Variants in MICU1 observed in about 807,000 individuals in gnomAD.
The protein encoded by MICU1 is mitochondrial calcium uptake 1.
A neutral mutation model predicts 56.8 loss-of-function variants in MICU1; 45 were observed. The ratio of observed to expected loss-of-function variants is 0.79; its 90% CI spans 0.62 to 1.02. MICU1 has a LOEUF of 1.02. MICU1 is among the 50% of genes least tolerant of loss of function. MICU1 has a pLI of 0.00. For missense variants in MICU1, 504 were observed against 587.1 expected, an observed-to-expected ratio of 0.86 and a Z score of 1.46; for synonymous variants, 186 against 195.1, an observed-to-expected ratio of 0.95 and a Z score of 0.39.
Position 72,377,025 on chromosome 10 carries a change from T to C in MICU1, c.1181-1153A>G, listed in dbSNP as rs7905364. ...GCACAGTGAGCCCTCCCTGCCCAAC[T>C]CTGTCCCTCCTCCCTACTGGTTTTG... On this transcript the variant is annotated intron_variant, in intron 10 of 11. Transcript: ENST00000361114. Among the ~76,000 whole-genome samples, 801 of 152,244 alleles carry C rather than the reference T, an allele frequency of 5.3e-3. 3 individuals are homozygous for C. Among genetic ancestry groups the C allele is most frequent in the African/African-American group, 0.017 (708 of 41,546 alleles).
chr10:72,537,085 G>C (rs149010545), intron 4 of MICU1, among the ~76,000 whole-genome samples: 1 of 152,264 alleles, frequency 6.6e-6, no homozygotes, highest in Admixed American at 6.5e-5. Flanking sequence ...AGGGGCATGG[G>C]AGGACAACCT....
At chr10:72,609,226 G>A (rs1275970281) in intron 1 of MICU1, among the ~76,000 whole-genome samples, 3 of 152,278 alleles carry the variant, frequency 2.0e-5, no homozygotes, top group African/African-American at 4.8e-5. Context: ...GGGAAAATGG[G>A]AATTTATTGT....
At chr10:72,398,769 A>G (rs184616561) in intron 10 of MICU1, among the ~76,000 whole-genome samples, 1 of 152,338 alleles carries the variant, frequency 6.6e-6, no homozygotes, top group Admixed American at 6.5e-5. Flanking sequence ...GAATAGACCA[A>G]TAACAGGCTC....
chr10:72,590,657 C>A (rs1030151724), intron 1 of MICU1, among the ~76,000 whole-genome samples: 2 of 151,634 alleles, frequency 1.3e-5, no homozygotes, highest in African/African-American at 4.8e-5. Flanking sequence ...ACTAAAAATA[C>A]AAAAAATTAG....
At chr10:72,434,734 G>A (rs764104834) in intron 8 of MICU1, among the ~76,000 whole-genome samples, 15 of 152,218 alleles carry the variant, frequency 9.9e-5, no homozygotes, top group Non-Finnish European at 1.5e-4. Flanking sequence ...TCTCACCTGA[G>A]TGCCAGTTTG....
chr10:72,549,613 T>C (rs1839982201), intron 4 of MICU1, among the ~76,000 whole-genome samples: 1 of 152,198 alleles, frequency 6.6e-6, no homozygotes, highest in South Asian at 2.1e-4. Context: ...CCATTTAGAA[T>C]GTCTTCCTAT....
chr10:72,402,053 A>T (rs1162079958), intron 10 of MICU1, among the ~76,000 whole-genome samples: 1 of 152,136 alleles, frequency 6.6e-6, no homozygotes, highest in East Asian at 1.9e-4. Context: ...GCAGGACAGG[A>T]CCATCTGGCA....
intron 6 of MICU1, among the ~76,000 whole-genome samples, chr10:72,479,523 G>A (rs1228869231): frequency 1.3e-5 from 2 of 152,154 alleles, no homozygotes; most frequent in African/African-American, 2.4e-5. Flanking sequence ...TCTCAGATAG[G>A]TTTGTCATGT....
rs193098860 is a variant in MICU1, at chr10:72,578,477, C to T, written c.-1-11683G>A. Among the ~76,000 whole-genome samples, 373 of 147,646 alleles carry T rather than the reference C, an allele frequency of 2.5e-3. 4 individuals are homozygous for T. The highest frequency in any genetic ancestry group is 8.9e-3 in the African/African-American group (356 of 39,886). On this transcript the variant is annotated intron_variant, in intron 1 of 11. Coordinates refer to ENST00000361114, the MANE Select transcript of MICU1 (RefSeq NM_001195518.2). The stretch of plus-strand genomic sequence containing the variant: ...GTGGGGTTTCACCATGTTGGCCAGG[C>T]GGGCCTCGAATTCCTGACCTCAGTT...
intron 1 of MICU1, among the ~76,000 whole-genome samples, chr10:72,612,295 AT>A (rs1392472174): frequency 1.3e-5 from 2 of 151,836 alleles, no homozygotes; most frequent in African/African-American, 2.4e-5. Context: ...AAAAAAAAAA[AT>A]GACACTTCGT....
At chr10:72,369,519 CAGTT>C (rs1477334264) in intron 11 of MICU1, among the ~76,000 whole-genome samples, 2 of 151,978 alleles carry the variant, frequency 1.3e-5, no homozygotes, top group South Asian at 2.1e-4. Context: ...ATATTGGGGT[CAGTT>C]AGGAGACTGC....
chr10:72,533,784 C>A lies in MICU1; in HGVS notation c.499G>T (p.Gly167Cys). 1 of 1,592,686 alleles carries A rather than the reference C, an allele frequency of 6.3e-7. No individual in the cohort carries two copies. The change falls in exon 5 of 12, where the codon GGT becomes TGT. Residue 167 changes from glycine (G) to cysteine (C), a missense_variant. Coordinates refer to ENST00000361114, the MANE Select transcript of MICU1 (RefSeq NM_001195518.2). ...TPNEKQPEHL[G>C]LDQYIIKRFD... ...CGTTTTATTATATATTGATCCAGAC[C>A]CAAGTCTGTAAAAGAAAAGGAAAAA...
At chr10:72,552,383 A>G (rs1840055793) in intron 3 of MICU1, among the ~76,000 whole-genome samples, 1 of 152,238 alleles carries the variant, frequency 6.6e-6, no homozygotes, top group Non-Finnish European at 1.5e-5. Context: ...AGTGAAAAAA[A>G]TTTATCTCAT....
intron 6 of MICU1, among the ~76,000 whole-genome samples, chr10:72,497,371 T>C (rs1319220005): frequency 1.3e-5 from 2 of 152,094 alleles, no homozygotes; most frequent in Non-Finnish European, 2.9e-5. Flanking sequence ...ATAAGCATCT[T>C]TATAAGTTGT....
At chr10:72,561,929 T>A (rs1736005035) in intron 3 of MICU1, among the ~76,000 whole-genome samples, 1 of 152,154 alleles carries the variant, frequency 6.6e-6, no homozygotes. Flanking sequence ...ATAACTCAAA[T>A]TATCTTGTTG....
intron 10 of MICU1, among the ~76,000 whole-genome samples, chr10:72,406,224 T>C (rs1227889120): frequency 6.6e-6 from 1 of 152,092 alleles, no homozygotes; most frequent in Admixed American, 6.6e-5. Flanking sequence ...ACCAATTCCA[T>C]TTATAATGGG....
At chr10:72,487,838 C>T (rs1866524226) in intron 6 of MICU1, among the ~76,000 whole-genome samples, 1 of 152,156 alleles carries the variant, frequency 6.6e-6, no homozygotes, top group South Asian at 2.1e-4. Flanking sequence ...TCTACTCCTT[C>T]TGACTTCTTT....
chr10:72,553,823 T>C lies in MICU1; in HGVS notation c.331-2482A>G, dbSNP rs987922460. On this transcript the variant is annotated intron_variant, in intron 3 of 11. Transcript: ENST00000361114. Reference sequence around the variant, plus strand: ...TTGGTAGAATTTAGTATAGACCTATTATATGGTATATATTTTGCTTTTTTT... The same window carrying C: ...TTGGTAGAATTTAGTATAGACCTATCATATGGTATATATTTTGCTTTTTTT... Among the ~76,000 whole-genome samples, 5 of 152,320 alleles carry C rather than the reference T, an allele frequency of 3.3e-5. No homozygotes were observed. The South Asian group carries it at 8.3e-4, about 25-fold the overall frequency.
chr10:72,499,342 A>G (rs1456201464), intron 6 of MICU1, among the ~76,000 whole-genome samples: 2 of 152,202 alleles, frequency 1.3e-5, no homozygotes, highest in Non-Finnish European at 2.9e-5. Flanking sequence ...AATGAATTCA[A>G]CATCATCTAT....
Sources: allele counts gnomAD v4.1 joint callset (sites outside exome capture counted in the v4.1 genomes callset), GRCh38; gene constraint gnomAD v4.1.1; transcripts MANE v1.5; gene names NCBI Gene and HGNC (gene_info 2026-07-23, HGNC 2026-07-21).